The following NOL6 variants were observed in gnomAD, a reference collection of about 807,000 sequenced individuals.
NOL6 encodes the protein nucleolar protein 6.
Under a neutral mutation model 131.7 loss-of-function variants are expected in NOL6, and 33 were observed. The ratio of observed to expected loss-of-function variants is 0.25; its 90% CI spans 0.19 to 0.33. The LOEUF (loss-of-function observed/expected upper bound fraction) is 0.33. Ranked by LOEUF, NOL6 falls within the 10% of genes least tolerant of loss-of-function variation. The pLI is 1.00. For synonymous variants in NOL6, 580 were observed against 605.7 expected, an observed-to-expected ratio of 0.96 and a Z score of 0.62; for missense variants, 1,297 against 1,494.5, an observed-to-expected ratio of 0.87 and a Z score of 2.18.
In NOL6 at chr9:33,466,094, C is replaced by A; in HGVS notation, c.2341G>T (p.Ala781Ser). 2 of 1,598,096 alleles carry A rather than the reference C, an allele frequency of 1.3e-6. No homozygotes were observed. The highest frequency in any genetic ancestry group is 1.1e-5 in the South Asian group (1 of 89,592). ...QQHGLQCRAT[A>S]THTDVLKDGF... is the part of the protein sequence containing the mutation. ...ACCTTAAGGACATCCGTGTGCGTGGCAGTGGCACGGCACTGCAGACCATGC... is the reference window on the plus strand; with the variant it reads ...ACCTTAAGGACATCCGTGTGCGTGGAAGTGGCACGGCACTGCAGACCATGC... Residue 781 changes from alanine (A) to serine (S), a missense_variant, in exon 18 of 26, where the codon GCC (alanine) becomes TCC (serine). Physicochemically the swap from Ala to Ser is moderately conservative, Grantham distance 99 (BLOSUM62 1). Transcript: ENST00000297990.
Position 33,472,465 on chromosome 9 carries a change from C to T in NOL6, c.55-53G>A. The T allele has an allele frequency of 2.8e-6, 4 of 1,448,304 alleles. No individual in the cohort carries two copies. In the South Asian group the frequency reaches 4.8e-5, roughly 17 times the overall value. 89.7% of individuals were successfully genotyped at this position (1,448,304 alleles called of 1,614,324 possible). On this transcript the variant is annotated intron_variant, in intron 1 of 25. Transcript: ENST00000297990. ...TGAGGTAATAGGTATCTAGCATCTG[C>T]TGCCTAAAGTGCCACCATGATAGGT...
chr9:33,466,000 G>A (rs368853884), intron 18 of NOL6, 71 bp downstream of exon 18: 1 of 1,560,626 alleles, frequency 6.4e-7, no homozygotes, highest in Non-Finnish European at 8.7e-7. Flanking sequence ...CCACAGGGGT[G>A]TCTTCTTCCA....
rs1827283539 is a variant in NOL6, at chr9:33,467,634, T to C, written c.1602+57A>G. ...GGAATGGTGTGTCCTTTGTGTCTCT[T>C]GGGACCCTGGATCCAGCCCAACTCA... On this transcript the variant is annotated intron_variant, in intron 12 of 25. Transcript: ENST00000297990. The surrounding 1 kb of genome is among the most constrained non-coding windows in gnomAD (Gnocchi z 4.4). 6.4e-7 allele frequency: 1 copy of C among 1,551,336 alleles called. No individual in the cohort carries two copies. The highest frequency in any genetic ancestry group is 1.9e-5 in the Admixed American group (1 of 52,842).
chr9:33,468,014 T>G lies in NOL6; in HGVS notation c.1424+16A>C. On this transcript the variant is annotated intron_variant, in intron 11 of 25. Transcript: ENST00000297990. ...AGACAGGACCCGCCAACATACCCTG[T>G]CACCCCTAAACTCACTGCAGGACAT... 1 of 1,614,096 alleles carries G rather than the reference T, an allele frequency of 6.2e-7. No individual in the cohort carries two copies. The highest frequency in any genetic ancestry group is 8.5e-7 in the Non-Finnish European group (1 of 1,180,016).
rs1198209980 is a variant in NOL6 at position 33,467,383 on chromosome 9, G to C, written c.1725+11C>G. 1.2e-6 allele frequency: 2 copies of C among 1,613,842 alleles called. No homozygotes were observed. Among genetic ancestry groups the C allele is most frequent in the East Asian group, 2.2e-5 (1 of 44,854 alleles). Reference sequence around the variant, plus strand: ...CCCATTCCTTCCAGTGTACATGCTGGGGTCCCCCACCTCAGGCTGGTCTGC... The same window carrying C: ...CCCATTCCTTCCAGTGTACATGCTGCGGTCCCCCACCTCAGGCTGGTCTGC... On this transcript the variant is annotated intron_variant, in intron 13 of 25. Transcript: ENST00000297990. The surrounding 1 kb of genome is among the most constrained non-coding windows in gnomAD (Gnocchi z 4.4).
At chr9:33,463,792 C>T (rs371602330) in intron 23 of NOL6, 39 bp downstream of exon 23, 1 of 1,600,248 alleles carries the variant, frequency 6.2e-7, no homozygotes, top group Admixed American at 1.7e-5. Flanking sequence ...AAGACAGAAT[C>T]CCCAGAGGCC....
intron 25 of NOL6, 62 bp downstream of exon 25, chr9:33,462,971 T>C (rs781642992): frequency 6.5e-7 from 1 of 1,548,844 alleles, no homozygotes; most frequent in South Asian, 1.1e-5. Context: ...CACACAGACA[T>C]GCATGCCCAC....
rs1276002409 is a variant in NOL6 at position 33,469,594 on chromosome 9, G to A, written c.632C>T (p.Ala211Val). 2.5e-6 allele frequency: 4 copies of A among 1,610,698 alleles called. No individual in the cohort carries two copies. Among genetic ancestry groups the A allele is most frequent in the Non-Finnish European group, 3.4e-6 (4 of 1,179,130 alleles). ...GAGGGGGTCCTGGGCCAGGTGGTGA[G>A]CCAAGTGGGCCAGGTAGAGGGCACG... Reference protein sequence around the residue: ...RKRALYLAHLAHHLAQDPLFG... With the variant: ...RKRALYLAHLVHHLAQDPLFG... Residue 211 changes from alanine to valine, a missense_variant, in exon 5 of 26, where the codon GCT (alanine) becomes GTT (valine). Ala to Val is a moderately conservative substitution (Grantham distance 64). Transcript: ENST00000297990.
Position 33,468,598 on chromosome 9 carries a change from T to TC in NOL6, c.1148-33dup, listed in dbSNP as rs1423033080. On this transcript the variant is annotated intron_variant, in intron 8 of 25. Transcript: ENST00000297990. ...TGAATCACAAGTGTATTAGAAGGTA[T>TC]CCCCTTCTGGGGACCCAGCCCTAAT... The TC allele has an allele frequency of 3.1e-6, 5 of 1,606,728 alleles. No homozygotes were observed. The African/African-American group carries it at 4.0e-5, about 13-fold the overall frequency.
At position 33,469,281 on chromosome 9, in the gene NOL6, C is replaced by A. The variant is rs756516749; in HGVS notation, c.788G>T (p.Arg263Leu). Residue 263 changes from arginine to leucine, a missense_variant, in exon 6 of 26, where the codon CGC (arginine) becomes CTC (leucine). Physicochemically the swap from Arg to Leu is moderately radical, Grantham distance 102 (BLOSUM62 -2). Transcript: ENST00000297990. ...CTTGGTTGGCAGCAAGCGGCACGGG[C>A]GGAAGAAGTCAGGTGGAGGGCACGG... ...LHPCPPPDFF[R>L]PCRLLPTKNN... The A allele has an allele frequency of 2.5e-6, 4 of 1,614,182 alleles. No homozygotes were observed. Among genetic ancestry groups the A allele is most frequent in the Non-Finnish European group, 3.4e-6 (4 of 1,180,040 alleles).
At position 33,473,839 on chromosome 9, in the gene NOL6, C is replaced by G. The variant is rs745679011; in HGVS notation, c.4G>C (p.Gly2Arg). Residue 2 changes from glycine (G) to arginine (R), a missense_variant, in exon 1 of 26, where the codon GGG (glycine) becomes CGG (arginine). Physicochemically the swap from Gly to Arg is moderately radical, Grantham distance 125 (BLOSUM62 -2). Transcript: ENST00000297990. ...AGCTGCTCTCCAGCTGGCGCCGGCC[C>G]CATCACTCAGGGTCCAGCACTCTCC... M[G>R]PAPAGEQLRG... 1.3e-5 allele frequency: 21 copies of G among 1,611,004 alleles called. No homozygotes were observed. The South Asian group carries it at 2.2e-4, about 17-fold the overall frequency.
rs1462891483 is a variant in NOL6, at chr9:33,466,451, T to C, written c.2092-26A>G. The C allele has an allele frequency of 5.6e-6, 9 of 1,613,460 alleles. No individual in the cohort carries two copies. The South Asian group carries it at 8.8e-5, about 16-fold the overall frequency. ...CTGTGGAAGAAGAGGGGCTGAGGAA[T>C]GGGCCTAGGACTGGGAGGGAGTGCC... On this transcript the variant is annotated intron_variant, in intron 16 of 25. Coordinates refer to ENST00000297990, the MANE Select transcript of NOL6 (RefSeq NM_022917.5).
intron 3 of NOL6, 58 bp from the exon 4 acceptor site, chr9:33,470,249 T>G: frequency 7.3e-7 from 1 of 1,378,896 alleles, no homozygotes; most frequent in Non-Finnish European, 9.6e-7. Context: ...ACATGTACCC[T>G]TTATGTCTAG....
rs1827146956 is a variant in NOL6, at chr9:33,463,265, G to T, written c.3171C>A (p.Leu1057=). Residue 1057 remains leucine (L), a synonymous_variant, in exon 24 of 26, where the codon CTC becomes CTA. Transcript: ENST00000297990. ...MPVLGYDPPQ[L]YLTQLREAFG... is the part of the protein sequence containing the mutation. ...GACCAACCCTGAGCTGCGTCAGATA[G>T]AGCTGAGGAGGATCATAGCCCAGCA... The T allele has an allele frequency of 1.2e-6, 2 of 1,613,760 alleles. No homozygotes were observed. Among genetic ancestry groups the T allele is most frequent in the Non-Finnish European group, 1.7e-6 (2 of 1,179,826 alleles).
At position 33,461,831 on chromosome 9, in the gene NOL6, G is replaced by A; in HGVS notation, c.*833C>T. On this transcript the variant is annotated 3_prime_UTR_variant, in exon 26 of 26. Coordinates refer to ENST00000297990, the MANE Select transcript of NOL6 (RefSeq NM_022917.5). ...GTGTAGACCAGACTGAAAGGAGGCA[G>A]CATTCTCCTCCTTGGGCCCTGGGAG... The A allele has an allele frequency of 3.7e-6, 1 of 269,394 alleles. No individual in the cohort carries two copies. The highest frequency in any genetic ancestry group is 7.2e-6 in the Non-Finnish European group (1 of 139,440). The allele number at this position is 269,394 out of a possible 1,614,324, so 16.7% of individuals were successfully genotyped here. A position where few individuals can be genotyped will look rare whatever the true frequency, so the allele number is the denominator to read the frequency against.
In NOL6 at chr9:33,466,083, C is replaced by A. The variant is rs191918277; in HGVS notation, c.2352G>T (p.Thr784=). 6.3e-7 allele frequency: 1 copy of A among 1,589,632 alleles called. No homozygotes were observed. ...GLQCRATATH[T]DVLKDGFVFR... Reference sequence around the variant, plus strand: ...GCACCAGCCTAACCTTAAGGACATCCGTGTGCGTGGCAGTGGCACGGCACT... The same window carrying A: ...GCACCAGCCTAACCTTAAGGACATCAGTGTGCGTGGCAGTGGCACGGCACT... The change falls in exon 18 of 26, where the codon ACG becomes ACT. Residue 784 remains threonine, a synonymous_variant. Transcript: ENST00000297990.
In NOL6 at chr9:33,467,291, G is replaced by C; in HGVS notation, c.1726-29C>G. 2 of 1,612,274 alleles carry C rather than the reference G, an allele frequency of 1.2e-6. No individual in the cohort carries two copies. The highest frequency in any genetic ancestry group is 1.7e-6 in the Non-Finnish European group (2 of 1,178,490). ...AGGAGGCAAGGGTGGTAGTAGAGCT[G>C]GGGAAGGAAGGGCTCTGTGGACCCT... On this transcript the variant is annotated intron_variant, in intron 13 of 25. Coordinates refer to ENST00000297990, the MANE Select transcript of NOL6 (RefSeq NM_022917.5). The surrounding 1 kb of genome is among the most constrained non-coding windows in gnomAD (Gnocchi z 4.4).
At chr9:33,464,655 C>T (rs1477010350) in intron 21 of NOL6, among the ~76,000 whole-genome samples, 1 of 152,166 alleles carries the variant, frequency 6.6e-6, no homozygotes, top group African/African-American at 2.4e-5. Flanking sequence ...TCCACAGCCC[C>T]CCGCCAGGTA....
rs917528181 is a variant in NOL6, at chr9:33,466,117, T to G, written c.2318A>C (p.His773Pro). The G allele has an allele frequency of 1.4e-5, 22 of 1,612,224 alleles. No homozygotes were observed. Among genetic ancestry groups the G allele is most frequent in the Non-Finnish European group, 1.7e-5 (20 of 1,178,936 alleles). Residue 773 changes from histidine (H) to proline (P), a missense_variant, in exon 18 of 26, where the codon CAT (histidine) becomes CCT (proline). By Grantham distance (77) the His-to-Pro change is moderately conservative (BLOSUM62 -2). Transcript: ENST00000297990. ...GGCAGTGGCACGGCACTGCAGACCATGCTGTTGTGTCAACAGCTCTGCCAG... is the reference window on the plus strand; with the variant it reads ...GGCAGTGGCACGGCACTGCAGACCAGGCTGTTGTGTCAACAGCTCTGCCAG... ...LRLAELLTQQ[H>P]GLQCRATATH...
Sources: allele counts gnomAD v4.1 joint callset (sites outside exome capture counted in the v4.1 genomes callset), GRCh38; gene constraint gnomAD v4.1.1; non-coding constraint Gnocchi (gnomAD v3.1); transcripts MANE v1.5; gene names NCBI Gene and HGNC (gene_info 2026-07-23, HGNC 2026-07-21).